The following TTBK2 variants were observed in gnomAD, a reference collection of about 807,000 sequenced individuals.
TTBK2 encodes tau tubulin kinase 2.
TTBK2 carries 28 observed loss-of-function variants against 110.8 expected under a neutral mutation model. The observed-to-expected ratio is 0.25, with a 90% CI of 0.19 to 0.35. The LOEUF is 0.35. Among genes scored for constraint, TTBK2 ranks in the 10% least tolerant of loss-of-function variants. The pLI is 1.00. For synonymous variants in TTBK2, 532 were observed against 527.3 expected (o/e 1.01, Z -0.12); for missense variants, 1,369 against 1,500.3 (o/e 0.91, Z 1.45).
At chr15:42,796,142 G>A (rs911633946) in intron 9 of TTBK2, among the ~76,000 whole-genome samples, 2 of 152,130 alleles carry the variant, frequency 1.3e-5, no homozygotes, top group Non-Finnish European at 2.9e-5. Flanking sequence ...GGTGGCTCAC[G>A]CCTGTAATCC....
At chr15:42,779,885 G>A (rs1890105639) in intron 11 of TTBK2, among the ~76,000 whole-genome samples, 1 of 151,980 alleles carries the variant, frequency 6.6e-6, no homozygotes, top group Non-Finnish European at 1.5e-5. Context: ...GGGAGGACGA[G>A]GCACGAGAAT....
chr15:42,806,228 C>T (rs1442231236), intron 9 of TTBK2, among the ~76,000 whole-genome samples: 3 of 152,226 alleles, frequency 2.0e-5, no homozygotes, highest in African/African-American at 7.2e-5. Context: ...CACACCACTG[C>T]ACTCCAGCCT....
chr15:42,863,709 C>T (rs183196817), intron 3 of TTBK2, among the ~76,000 whole-genome samples: 37 of 152,262 alleles, frequency 2.4e-4, no homozygotes, highest in African/African-American at 8.7e-4. Context: ...AACAAAACAG[C>T]ATGGTACTGG....
At chr15:42,783,730 A>C in intron 10 of TTBK2, 95 bp from the exon 11 acceptor site, 1 of 1,005,776 alleles carries the variant, frequency 9.9e-7, no homozygotes, top group Non-Finnish European at 1.5e-6. Context: ...AACTCCACAC[A>C]TAATTAAGAG....
intron 6 of TTBK2, among the ~76,000 whole-genome samples, chr15:42,824,459 A>G (rs535278272): frequency 2.6e-5 from 4 of 152,316 alleles, no homozygotes; most frequent in Admixed American, 6.5e-5. Flanking sequence ...GGTACACGGT[A>G]ACTGTACTAT....
intron 10 of TTBK2, among the ~76,000 whole-genome samples, chr15:42,784,799 T>C (rs1036752169): frequency 1.3e-5 from 2 of 152,092 alleles, no homozygotes; most frequent in Admixed American, 1.3e-4. Context: ...TGAAAGAAAG[T>C]TCATTGGCAT....
At chr15:42,866,332 T>C (rs181224776) in intron 3 of TTBK2, among the ~76,000 whole-genome samples, 1 of 151,802 alleles carries the variant, frequency 6.6e-6, no homozygotes, top group East Asian at 1.9e-4. Context: ...GATAAAGGGG[T>C]CAATTCTCTA....
intron 9 of TTBK2, among the ~76,000 whole-genome samples, chr15:42,808,987 G>A (rs1891594300): frequency 6.6e-6 from 1 of 152,240 alleles, no homozygotes; most frequent in Non-Finnish European, 1.5e-5. Context: ...TAAAAGTAGA[G>A]TTATTTTTCT....
At chr15:42,790,018 G>C (rs1890586138) in intron 10 of TTBK2, among the ~76,000 whole-genome samples, 1 of 152,084 alleles carries the variant, frequency 6.6e-6, no homozygotes, top group African/African-American at 2.4e-5. Context: ...GGCACCAAAA[G>C]GACACAGTGG....
intron 8 of TTBK2, among the ~76,000 whole-genome samples, chr15:42,811,266 T>C (rs944144385): frequency 6.6e-6 from 1 of 152,206 alleles, no homozygotes; most frequent in Admixed American, 6.5e-5. Flanking sequence ...GGTGCTAGGA[T>C]CATAGATGTG....
rs1242750637 is a variant in TTBK2 at position 42,741,091 on chromosome 15, G to C, written c.*4704C>G. ...GCAGTGTTGGACAATGGATTCTAAA[G>C]GTTCCTGAGACTTTGTTAAATTTCT... On this transcript the variant is annotated 3_prime_UTR_variant, in exon 15 of 15. Coordinates refer to ENST00000267890, the MANE Select transcript of TTBK2 (RefSeq NM_173500.4). 6.6e-6 allele frequency: 1 copy of C among 152,190 alleles called. No homozygotes were observed. Among genetic ancestry groups the C allele is most frequent in the Non-Finnish European group, 1.5e-5 (1 of 68,028 alleles). 9.4% of individuals were successfully genotyped at this position (152,190 alleles called of 1,614,324 possible).
intron 13 of TTBK2, among the ~76,000 whole-genome samples, chr15:42,770,100 C>T (rs1054820878): frequency 5.5e-5 from 5 of 91,564 alleles, no homozygotes; most frequent in African/African-American, 1.1e-4. Flanking sequence ...CAGGGCCTGT[C>T]GTGGGGTGGG....
At chr15:42,762,189 G>A (rs1915243) in intron 13 of TTBK2, among the ~76,000 whole-genome samples, 18,160 of 152,152 alleles carry the variant, frequency 0.12, 2,873 homozygotes, top group African/African-American at 0.36. Flanking sequence ...AGCAGTATGA[G>A]AACAGAGTAA....
intron 1 of TTBK2, among the ~76,000 whole-genome samples, chr15:42,904,771 T>C (rs915044854): frequency 1.3e-5 from 2 of 152,240 alleles, no homozygotes; most frequent in Non-Finnish European, 2.9e-5. Context: ...CATATCATAA[T>C]GATTATCCTC....
chr15:42,880,005 A>C (rs1345965088), intron 1 of TTBK2, among the ~76,000 whole-genome samples: 1 of 151,902 alleles, frequency 6.6e-6, no homozygotes, highest in African/African-American at 2.4e-5. Flanking sequence ...TCAAAAAAAA[A>C]AAAAAAAAGA....
At chr15:42,908,605 T>C (rs1434340404) in intron 1 of TTBK2, among the ~76,000 whole-genome samples, 1 of 152,238 alleles carries the variant, frequency 6.6e-6, no homozygotes, top group Non-Finnish European at 1.5e-5. Context: ...TGAGGACTTT[T>C]GTACACCTCT....
intron 1 of TTBK2, among the ~76,000 whole-genome samples, chr15:42,881,786 G>A (rs1044601381): frequency 5.3e-5 from 8 of 151,802 alleles, no homozygotes; most frequent in African/African-American, 1.5e-4. Flanking sequence ...CAGGAGAATC[G>A]CTTGAACCCA....
At chr15:42,822,350 G>A (rs1400976577) in intron 6 of TTBK2, among the ~76,000 whole-genome samples, 8 of 151,602 alleles carry the variant, frequency 5.3e-5, no homozygotes, top group African/African-American at 1.9e-4. Context: ...AAAACATTTT[G>A]AAAGAAAAAG....
intron 3 of TTBK2, among the ~76,000 whole-genome samples, chr15:42,866,696 A>G (rs1018890666): frequency 6.6e-6 from 1 of 152,236 alleles, no homozygotes; most frequent in Non-Finnish European, 1.5e-5. Context: ...ACTTAAAAAA[A>G]TAGAAATCAT....
Sources: allele counts gnomAD v4.1 joint callset (sites outside exome capture counted in the v4.1 genomes callset), GRCh38; gene constraint gnomAD v4.1.1; transcripts MANE v1.5; gene names NCBI Gene and HGNC (gene_info 2026-07-23, HGNC 2026-07-21).